The following MAF variants were observed in gnomAD, a reference collection of about 807,000 sequenced individuals.
MAF encodes transcription factor Maf.
MAF carries 10 observed loss-of-function variants against 22.0 expected under a neutral mutation model. That is an observed-to-expected ratio of 0.45 (90% confidence interval 0.28 to 0.77). The LOEUF (loss-of-function observed/expected upper bound fraction) is 0.77. Among genes scored for constraint, MAF ranks in the 30% least tolerant of loss-of-function variants. The pLI is 0.12. For missense variants in MAF, 544 were observed against 548.4 expected, an observed-to-expected ratio of 0.99 and a Z score of 0.08; for synonymous variants, 337 against 255.8, an observed-to-expected ratio of 1.32 and a Z score of -3.03.
the MAF span, among the ~76,000 whole-genome samples, chr16:79,495,164 G>C: frequency 1.3e-5 from 2 of 152,152 alleles, no homozygotes; most frequent in Non-Finnish European, 2.9e-5. Flanking sequence ...ATTGGTGATA[G>C]AATAGCAAAA....
chr16:79,465,592 C>T, the MAF span, among the ~76,000 whole-genome samples: 2 of 152,020 alleles, frequency 1.3e-5, no homozygotes, highest in African/African-American at 4.8e-5. Flanking sequence ...AGAGCGAGAC[C>T]CTGTTTCAAA....
At chr16:79,590,520 G>A (rs550978600), downstream of MAF, among the ~76,000 whole-genome samples, 1 of 152,308 alleles carries the variant, frequency 6.6e-6, no homozygotes, top group East Asian at 1.9e-4. Flanking sequence ...GGATGACCAG[G>A]CATGGAAGGA....
At chr16:79,228,599 T>C in the MAF span, among the ~76,000 whole-genome samples, 1 of 152,088 alleles carries the variant, frequency 6.6e-6, no homozygotes, top group Non-Finnish European at 1.5e-5. Context: ...GCTCATGCCC[T>C]TTTCAATGGT....
chr16:79,348,640 A>G, the MAF span, among the ~76,000 whole-genome samples: 1 of 152,234 alleles, frequency 6.6e-6, no homozygotes, highest in East Asian at 1.9e-4. Flanking sequence ...CCAAACTCCA[A>G]CGACGGGGAA....
the MAF span, among the ~76,000 whole-genome samples, chr16:79,385,742 A>C: frequency 6.6e-6 from 1 of 152,004 alleles, no homozygotes; most frequent in South Asian, 2.1e-4. Context: ...CTCTACTAAA[A>C]ATACAAAATT....
chr16:79,589,596 G>A (rs1913062486), downstream of MAF, among the ~76,000 whole-genome samples: 1 of 152,182 alleles, frequency 6.6e-6, no homozygotes, highest in African/African-American at 2.4e-5. Context: ...TCCTGGGGCC[G>A]CGATCGGGTG....
chr16:79,500,171 TG>T, the MAF span, among the ~76,000 whole-genome samples: 1 of 152,212 alleles, frequency 6.6e-6, no homozygotes, highest in Non-Finnish European at 1.5e-5. Flanking sequence ...AATAAATTAC[TG>T]TTGGCTTAGG....
the MAF span, among the ~76,000 whole-genome samples, chr16:79,288,392 T>C: frequency 2.6e-5 from 4 of 152,136 alleles, no homozygotes; most frequent in African/African-American, 9.7e-5. Context: ...GAGGCTGCCA[T>C]GCTGTGAGGA....
rs565369176 is a variant in MAF, at chr16:79,594,988, T to C, written c.1119-435A>G. 2.8e-6 allele frequency: 3 copies of C among 1,078,142 alleles called. No individual in the cohort carries two copies. The Admixed American group carries it at 1.4e-4, about 51-fold the overall frequency. The allele number at this position is 1,078,142 out of a possible 1,614,324, so 66.8% of individuals were successfully genotyped here. ...CAGGCCTCATTTGTCATGAGATAAC[T>C]GCAATAACTACATCCAGAATATCAC... On this transcript the variant is annotated intron_variant, in intron 1 of 1. Coordinates refer to ENST00000326043, the MANE Select transcript of MAF (RefSeq NM_005360.5).
the MAF span, among the ~76,000 whole-genome samples, chr16:79,410,340 G>A: frequency 3.9e-5 from 6 of 152,066 alleles, no homozygotes; most frequent in East Asian, 5.8e-4. Context: ...AATTTAATTC[G>A]GCTGAAGTTT....
At chr16:79,578,762 AAATT>A in the MAF span, among the ~76,000 whole-genome samples, 2 of 152,218 alleles carry the variant, frequency 1.3e-5, no homozygotes, top group Non-Finnish European at 2.9e-5. Context: ...TCCTTTAAAA[AAATT>A]AATTAAACAC....
At chr16:79,243,625 T>A in the MAF span, among the ~76,000 whole-genome samples, 1 of 152,012 alleles carries the variant, frequency 6.6e-6, no homozygotes, top group Non-Finnish European at 1.5e-5. Flanking sequence ...AAAGCCGAAT[T>A]CTACCAGAGG....
chr16:79,419,702 C>T, the MAF span, among the ~76,000 whole-genome samples: 11 of 152,266 alleles, frequency 7.2e-5, no homozygotes, highest in South Asian at 2.3e-3. Flanking sequence ...ATCACAGATG[C>T]CACAATTCAG....
At chr16:79,596,496 T>A (rs1357303865) in intron 1 of MAF, 1 of 1,050,036 alleles carries the variant, frequency 9.5e-7, no homozygotes, top group Non-Finnish European at 1.2e-6. Flanking sequence ...AAAATGCCGT[T>A]TATTATTGTA....
At chr16:79,229,220 A>C in the MAF span, 1 of 151,614 alleles carries the variant, frequency 6.6e-6, no homozygotes, top group African/African-American at 2.4e-5. Context: ...TTAATTTTAA[A>C]ACCCTCATCT....
At chr16:79,466,386 T>C in the MAF span, among the ~76,000 whole-genome samples, 2 of 152,246 alleles carry the variant, frequency 1.3e-5, no homozygotes, top group Admixed American at 1.3e-4. Flanking sequence ...TCAGTAATGG[T>C]GTTCTTCAGG....
the MAF span, among the ~76,000 whole-genome samples, chr16:79,526,740 A>T: frequency 0.86 from 129,885 of 151,906 alleles, 56,472 homozygotes; most frequent in South Asian, 0.96. Context: ...TTCTGTGGTG[A>T]AAATACTCCC....
chr16:79,215,808 G>C, the MAF span, among the ~76,000 whole-genome samples: 1 of 152,126 alleles, frequency 6.6e-6, no homozygotes, highest in African/African-American at 2.4e-5. Context: ...TTTACATCTT[G>C]GGTCTGTAGG....
chr16:79,220,240 A>AGT, the MAF span, among the ~76,000 whole-genome samples: 1 of 126,270 alleles, frequency 7.9e-6, no homozygotes, highest in Non-Finnish European at 1.6e-5. Context: ...TGGGCAACAG[A>AGT]GTGAGACTCC....
Sources: allele counts gnomAD v4.1 joint callset (sites outside exome capture counted in the v4.1 genomes callset), GRCh38; gene constraint gnomAD v4.1.1; transcripts MANE v1.5; gene names NCBI Gene and HGNC (gene_info 2026-07-23, HGNC 2026-07-21).